The following FANCC variants were observed in gnomAD, a reference collection of about 807,000 sequenced individuals.
FANCC encodes the protein FA complementation group C, also known as Fanconi anemia group C protein.
In FANCC, 55 loss-of-function variants were observed where a neutral mutation model predicts 71.3. The observed-to-expected ratio is 0.77, with a 90% CI of 0.62 to 0.97. The LOEUF is 0.97. FANCC is among the 50% of genes least tolerant of loss of function. The probability of loss-of-function intolerance (pLI) is 0.00; values close to 1 mark genes in which losing one functional copy is unlikely to be tolerated. For missense variants in FANCC, 678 were observed against 670.9 expected (o/e 1.01, Z -0.12); for synonymous variants, 275 against 244.9 (o/e 1.12, Z -1.15).
chr9:95,174,473 G>C (rs1300788048), intron 4 of FANCC, among the ~76,000 whole-genome samples: 1 of 151,780 alleles, frequency 6.6e-6, no homozygotes, highest in Non-Finnish European at 1.5e-5. Context: ...TTTCTAGGGT[G>C]GTGCTAGAGA....
At chr9:95,165,635 GA>G (rs1032005356) in intron 6 of FANCC, among the ~76,000 whole-genome samples, 6 of 152,060 alleles carry the variant, frequency 3.9e-5, no homozygotes, top group African/African-American at 1.4e-4. Context: ...CTTGTGGTCA[GA>G]AAAAATAGTT....
At chr9:95,168,282 G>A (rs1317940498) in intron 6 of FANCC, among the ~76,000 whole-genome samples, 1 of 152,138 alleles carries the variant, frequency 6.6e-6, no homozygotes, top group Non-Finnish European at 1.5e-5. Context: ...CCCTCCCAAA[G>A]AACAGGTCAT....
chr9:95,112,764 T>C (rs2072052756), intron 12 of FANCC, among the ~76,000 whole-genome samples: 1 of 152,212 alleles, frequency 6.6e-6, no homozygotes, highest in Non-Finnish European at 1.5e-5. Context: ...CACCAGTAGC[T>C]GAATGCACAA....
chr9:95,250,022 A>AGGAG (rs1831232753), intron 1 of FANCC, among the ~76,000 whole-genome samples: 1 of 152,210 alleles, frequency 6.6e-6, no homozygotes, highest in South Asian at 2.1e-4. Context: ...CCACTTACTG[A>AGGAG]GGAGGTATAC....
rs549202213 is a variant in FANCC at position 95,111,355 on chromosome 9, G to A, written c.1329+108C>T. The A allele has an allele frequency of 2.4e-5, 38 of 1,597,902 alleles. No homozygotes were observed. The African/African-American group carries it at 5.1e-4, about 21-fold the overall frequency. On this transcript the variant is annotated intron_variant, in intron 13 of 14. Transcript: ENST00000289081. ...CCATGACATATGCCATCTGTGGGCA[G>A]AGCTCAGGTGTCATGGAAGCCAAGC... is the stretch of plus-strand genomic sequence containing the variant.
chr9:95,292,595 C>G (rs1446988784), intron 1 of FANCC: 2 of 1,461,398 alleles, frequency 1.4e-6, no homozygotes, highest in Non-Finnish European at 9.5e-7. Context: ...TCCTGTGCAC[C>G]GTGCGCGGCT....
rs145969486 is a variant in FANCC at position 95,234,672 on chromosome 9, GAC to G, written c.345+5975_345+5976del. Among the ~76,000 whole-genome samples the G allele has an allele frequency of 4.6e-5, 7 of 151,920 alleles. No individual in the cohort carries two copies. The South Asian group carries it at 1.0e-3, about 23-fold the overall frequency. ...CCAGAGAAACTGAACCAATAAGATA[GAC>G]ACACACACACACAGGGATTTATTAT... is the stretch of plus-strand genomic sequence containing the variant. On this transcript the variant is annotated intron_variant, in intron 4 of 14. Transcript: ENST00000289081.
chr9:95,201,650 G>T (rs1313566641), intron 4 of FANCC, among the ~76,000 whole-genome samples: 3 of 152,174 alleles, frequency 2.0e-5, no homozygotes, highest in Non-Finnish European at 2.9e-5. Context: ...TAAACAAAAT[G>T]TAGGGAAAAA....
At chr9:95,181,016 T>C (rs375920620) in intron 4 of FANCC, among the ~76,000 whole-genome samples, 1 of 152,044 alleles carries the variant, frequency 6.6e-6, no homozygotes, top group Non-Finnish European at 1.5e-5. Flanking sequence ...ACATATAATG[T>C]CCTGGAAAAA....
intron 4 of FANCC, among the ~76,000 whole-genome samples, chr9:95,189,189 A>G (rs985158967): frequency 1.3e-5 from 2 of 151,534 alleles, no homozygotes; most frequent in African/African-American, 2.4e-5. Context: ...CCTGCCTTCA[A>G]TGTTTTTTTT....
chr9:95,303,205 T>C (rs1834859791), intron 1 of FANCC, among the ~76,000 whole-genome samples: 1 of 152,216 alleles, frequency 6.6e-6, no homozygotes, highest in Admixed American at 6.5e-5. Flanking sequence ...GAAGTGAATT[T>C]TGAATTTTAT....
rs186159201 is a variant in FANCC at position 95,294,838 on chromosome 9, C to T, written c.-79+22688G>A. On this transcript the variant is annotated intron_variant, in intron 1 of 14. Transcript: ENST00000289081. ...CTAACAGTGGAGTCCATGTGTGAGACGGCATCTACCATTTCCTCTGGATTA... is the reference window on the plus strand; with the variant it reads ...CTAACAGTGGAGTCCATGTGTGAGATGGCATCTACCATTTCCTCTGGATTA... 6.7e-6 allele frequency: 10 copies of T among 1,500,064 alleles called. No homozygotes were observed. The East Asian group carries it at 9.1e-5, about 14-fold the overall frequency. The allele number at this position is 1,500,064 out of a possible 1,614,324, so 92.9% of individuals were successfully genotyped here. A position where few individuals can be genotyped will look rare whatever the true frequency, so the allele number is the denominator to read the frequency against.
At position 95,110,296 on chromosome 9, in the gene FANCC, G is replaced by GA. The variant is rs2071811760; in HGVS notation, c.1329+1166dup. The GA allele has an allele frequency of 2.2e-5, 22 of 1,013,488 alleles. 1 individual carries two copies. The South Asian group carries it at 9.8e-4, about 45-fold the overall frequency. The allele number at this position is 1,013,488 out of a possible 1,614,324, so 62.8% of individuals were successfully genotyped here. ...TCTCTGTCAGTAACCTTTTGACTGT[G>GA]ATGGAATTGAACACATATCTACCAA... On this transcript the variant is annotated intron_variant, in intron 13 of 14. Coordinates refer to ENST00000289081, the MANE Select transcript of FANCC (RefSeq NM_000136.3).
At position 95,317,511 on chromosome 9, in the gene FANCC, C is replaced by G. The variant is rs1483137484; in HGVS notation, c.-79+15G>C. 2.6e-5 allele frequency: 4 copies of G among 152,346 alleles called. No individual in the cohort carries two copies. The highest frequency in any genetic ancestry group is 6.5e-5 in the Admixed American group (1 of 15,298). 9.4% of individuals were successfully genotyped at this position (152,346 alleles called of 1,614,324 possible). A position where few individuals can be genotyped will look rare whatever the true frequency, so the allele number is the denominator to read the frequency against. On this transcript the variant is annotated intron_variant, in intron 1 of 14. Transcript: ENST00000289081. ...AAGCCTCCGCCCTCGCTGCGTTCTG[C>G]GGCCTGCCGCTTACCGGGTGGTCCT...
At chr9:95,171,227 T>G (rs1825659397) in intron 5 of FANCC, 84 bp from the exon 6 acceptor site, 2 of 1,010,332 alleles carry the variant, frequency 2.0e-6, no homozygotes, top group Admixed American at 1.8e-5. Flanking sequence ...GAGTGATATT[T>G]CCGTTGAGAT....
intron 6 of FANCC, among the ~76,000 whole-genome samples, 193 bp downstream of exon 6, chr9:95,170,886 T>G (rs557300568): frequency 1.3e-5 from 2 of 152,264 alleles, no homozygotes; most frequent in Non-Finnish European, 2.9e-5. Context: ...CTGTGAGAGT[T>G]GAGAAAATAG....
chr9:95,243,752 C>T lies in FANCC; in HGVS notation c.251-3009G>A, dbSNP rs140857418. Among the ~76,000 whole-genome samples the T allele has an allele frequency of 1.3e-3, 195 of 152,298 alleles. 1 individual carries two copies. The highest frequency in any genetic ancestry group is 4.5e-3 in the African/African-American group (189 of 41,568). Reference sequence around the variant, plus strand: ...GAGCTTGCAGTGAGCCGAGATCGCACCACTGCACTCCAGCCTGGGTGAAAG... The same window carrying T: ...GAGCTTGCAGTGAGCCGAGATCGCATCACTGCACTCCAGCCTGGGTGAAAG... On this transcript the variant is annotated intron_variant, in intron 3 of 14. Coordinates refer to ENST00000289081, the MANE Select transcript of FANCC (RefSeq NM_000136.3).
chr9:95,297,416 G>A (rs537314451), intron 1 of FANCC, among the ~76,000 whole-genome samples: 2 of 151,996 alleles, frequency 1.3e-5, no homozygotes, highest in Non-Finnish European at 1.5e-5. Flanking sequence ...CCCTCTCTCC[G>A]TCCCTCTCTT....
chr9:95,202,615 T>G (rs1336256024), intron 4 of FANCC, among the ~76,000 whole-genome samples: 1 of 152,260 alleles, frequency 6.6e-6, no homozygotes. Context: ...AGAAGTTTCT[T>G]CTGTGGGGCA....
Sources: gnomAD v4.1 joint callset for allele counts (sites outside exome capture counted in the v4.1 genomes callset) on GRCh38, gnomAD v4.1.1 for gene constraint, MANE v1.5 for transcripts, NCBI Gene and HGNC (gene_info 2026-07-23, HGNC 2026-07-21) for gene names.